The following DUSP16 variants were observed in gnomAD, a reference collection of about 807,000 sequenced individuals.
DUSP16 encodes the protein dual specificity protein phosphatase 16.
A neutral mutation model predicts 58.3 loss-of-function variants in DUSP16; 21 were observed. The ratio of observed to expected loss-of-function variants is 0.36; its 90% CI spans 0.26 to 0.52. The LOEUF is 0.52. Among genes scored for constraint, DUSP16 ranks in the 20% least tolerant of loss-of-function variants. The pLI is 0.94. For missense variants in DUSP16, 726 were observed against 819.0 expected, an observed-to-expected ratio of 0.89 and a Z score of 1.39; for synonymous variants, 320 against 323.8, an observed-to-expected ratio of 0.99 and a Z score of 0.12.
At chr12:12,557,205 C>T (rs1404423303) in intron 1 of DUSP16, among the ~76,000 whole-genome samples, 1 of 152,046 alleles carries the variant, frequency 6.6e-6, no homozygotes, top group Non-Finnish European at 1.5e-5. Flanking sequence ...CCTGTAATCC[C>T]AGCACTTTGG....
chr12:12,527,845 C>T (rs1944327436), intron 1 of DUSP16, among the ~76,000 whole-genome samples: 1 of 152,164 alleles, frequency 6.6e-6, no homozygotes, highest in African/African-American at 2.4e-5. Context: ...CACTGACATA[C>T]CACACTGTTG....
chr12:12,522,567 AT>A (rs200720540), intron 1 of DUSP16, among the ~76,000 whole-genome samples: 303 of 145,540 alleles, frequency 2.1e-3, no homozygotes, highest in Middle Eastern at 3.5e-3. Flanking sequence ...TAGAGGGTAA[AT>A]TTTTTTTTTT....
At chr12:12,495,979 G>T (rs1943822192) in intron 4 of DUSP16, among the ~76,000 whole-genome samples, 4 of 152,342 alleles carry the variant, frequency 2.6e-5, no homozygotes, top group Non-Finnish European at 4.4e-5. Context: ...ATGAACACCA[G>T]GAGGCCGGAG....
At chr12:12,501,402 A>C (rs1345500031) in intron 3 of DUSP16, among the ~76,000 whole-genome samples, 1 of 152,192 alleles carries the variant, frequency 6.6e-6, no homozygotes, top group East Asian at 1.9e-4. Context: ...AGTTTTTTCT[A>C]GTCCTGTCCT....
At chr12:12,527,577 G>A in intron 1 of DUSP16, among the ~76,000 whole-genome samples, 1 of 152,076 alleles carries the variant, frequency 6.6e-6, no homozygotes, top group East Asian at 1.9e-4. Context: ...TTCTGCACAT[G>A]TACCCCAGAA....
intron 3 of DUSP16, among the ~76,000 whole-genome samples, chr12:12,515,154 C>G (rs966916923): frequency 6.6e-6 from 1 of 151,992 alleles, no homozygotes; most frequent in African/African-American, 2.4e-5. Context: ...ATTATATAAG[C>G]TTTCCTGAAA....
intron 1 of DUSP16, among the ~76,000 whole-genome samples, chr12:12,539,939 G>C (rs1051506014): frequency 6.6e-6 from 1 of 151,784 alleles, no homozygotes; most frequent in Non-Finnish European, 1.5e-5. Context: ...CCAGCTACTC[G>C]GGAGGCTGGG....
At chr12:12,496,143 G>T (rs1943824796) in intron 4 of DUSP16, among the ~76,000 whole-genome samples, 1 of 152,186 alleles carries the variant, frequency 6.6e-6, no homozygotes, top group Non-Finnish European at 1.5e-5. Context: ...GGACACTGTA[G>T]TCACCTTGTC....
chr12:12,508,442 G>T (rs1486639905), intron 3 of DUSP16, among the ~76,000 whole-genome samples: 2 of 152,076 alleles, frequency 1.3e-5, no homozygotes, highest in African/African-American at 4.8e-5. Flanking sequence ...CACAGGTTTG[G>T]TAAATTACTC....
At chr12:12,545,945 C>T (rs1944635783) in intron 1 of DUSP16, among the ~76,000 whole-genome samples, 1 of 152,052 alleles carries the variant, frequency 6.6e-6, no homozygotes, top group African/African-American at 2.4e-5. Flanking sequence ...CCATAATGTA[C>T]CAATCTAATA....
chr12:12,497,924 C>T (rs541998105), intron 4 of DUSP16, among the ~76,000 whole-genome samples: 1 of 152,138 alleles, frequency 6.6e-6, no homozygotes, highest in South Asian at 2.1e-4. Flanking sequence ...GAGCCGAGAT[C>T]ATGCCACTGC....
chr12:12,505,700 A>C (rs1943984268), intron 3 of DUSP16, among the ~76,000 whole-genome samples: 1 of 152,238 alleles, frequency 6.6e-6, no homozygotes, highest in Non-Finnish European at 1.5e-5. Context: ...GTGGACCTCA[A>C]AAGTAAGTGT....
At chr12:12,542,388 GAAAAAAAAA>G (rs56822339) in intron 1 of DUSP16, among the ~76,000 whole-genome samples, 22 of 109,708 alleles carry the variant, frequency 2.0e-4, no homozygotes, top group African/African-American at 4.9e-4. Flanking sequence ...AAAGAAAAGA[GAAAAAAAAA>G]AAAAAAAAAA....
At chr12:12,480,135 T>G in intron 6 of DUSP16, 88 bp downstream of exon 6, 1 of 1,496,798 alleles carries the variant, frequency 6.7e-7, no homozygotes, top group Admixed American at 2.0e-5. Flanking sequence ...AATCATGATC[T>G]GCTTTAATTT....
intron 1 of DUSP16, among the ~76,000 whole-genome samples, chr12:12,550,297 C>T (rs2136265869): frequency 6.6e-6 from 1 of 150,996 alleles, no homozygotes; most frequent in East Asian, 1.9e-4. Flanking sequence ...AAATGTGTAT[C>T]AGACTGCTCT....
intron 5 of DUSP16, among the ~76,000 whole-genome samples, chr12:12,481,501 C>T (rs1022816726): frequency 6.6e-6 from 1 of 152,164 alleles, no homozygotes; most frequent in Non-Finnish European, 1.5e-5. Context: ...TTAACAGATG[C>T]GCAAAGAATC....
intron 5 of DUSP16, among the ~76,000 whole-genome samples, chr12:12,483,092 T>C (rs1250240912): frequency 6.6e-6 from 1 of 152,076 alleles, no homozygotes; most frequent in African/African-American, 2.4e-5. Context: ...TGATGAAAAC[T>C]GGAAACAAGC....
chr12:12,478,118 A>G (rs933534993), intron 6 of DUSP16, 103 bp from the exon 7 acceptor site: 3 of 1,067,828 alleles, frequency 2.8e-6, no homozygotes, highest in African/African-American at 3.2e-5. Context: ...GCAGACCTCA[A>G]AAACTTTGGA....
chr12:12,488,003 A>G (rs1372360198), intron 4 of DUSP16, among the ~76,000 whole-genome samples: 1 of 152,100 alleles, frequency 6.6e-6, no homozygotes, highest in African/African-American at 2.4e-5. Flanking sequence ...ATAACCAAAA[A>G]AGCCACCAGG....
Sources: gnomAD v4.1 joint callset for allele counts (sites outside exome capture counted in the v4.1 genomes callset) on GRCh38, gnomAD v4.1.1 for gene constraint, MANE v1.5 for transcripts, NCBI Gene and HGNC (gene_info 2026-07-23, HGNC 2026-07-21) for gene names.